WDFY4: variants seen among roughly 807,000 people sequenced by gnomAD.
The protein encoded by WDFY4 is WDFY family member 4.
In WDFY4, 169 loss-of-function variants were observed where a neutral mutation model predicts 351.9. The ratio of observed to expected loss-of-function variants is 0.48; its 90% CI spans 0.42 to 0.55. The LOEUF (loss-of-function observed/expected upper bound fraction) is 0.55, where lower values mean the gene tolerates loss of function less well. Ranked by LOEUF, WDFY4 falls within the 20% of genes least tolerant of loss-of-function variation. The probability of loss-of-function intolerance (pLI) is 0.00; values close to 1 mark genes in which losing one functional copy is unlikely to be tolerated. For synonymous variants in WDFY4, 1,622 were observed against 1,574.6 expected, an observed-to-expected ratio of 1.03 and a Z score of -0.71; for missense variants, 3,803 against 3,935.6, an observed-to-expected ratio of 0.97 and a Z score of 0.90.
At chr10:48,912,175 G>A (rs1838066128) in intron 47 of WDFY4, among the ~76,000 whole-genome samples, 1 of 152,224 alleles carries the variant, frequency 6.6e-6, no homozygotes, top group South Asian at 2.1e-4. Context: ...GATTGACTTG[G>A]TTGCTGTCAT....
At chr10:48,948,555 G>A (rs1346791280) in intron 51 of WDFY4, among the ~76,000 whole-genome samples, 1 of 152,190 alleles carries the variant, frequency 6.6e-6, no homozygotes, top group African/African-American at 2.4e-5. Context: ...TTCACATCGG[G>A]AGGAGACAGA....
At position 48,743,326 on chromosome 10, in the gene WDFY4, TG is replaced by T; in HGVS notation, c.2240del (p.Gly747AlafsTer38). On this transcript the variant is annotated frameshift_variant, in exon 12 of 62. Coordinates refer to ENST00000325239, the MANE Select transcript of WDFY4 (RefSeq NM_001394531.1). LOFTEE classifies it high-confidence loss of function. ...DTKARPFADL[L>X]GTAFSSSGSL... is the part of the protein sequence containing the mutation. ...AAGGCCAGGCCATTTGCAGATTTGC[TG>T]GGCACTGCCTTTTCCTCCAGCGGCT... 6.4e-7 allele frequency: 1 copy of T among 1,551,642 alleles called. No homozygotes were observed. Among genetic ancestry groups the T allele is most frequent in the Non-Finnish European group, 8.7e-7 (1 of 1,146,938 alleles).
intron 17 of WDFY4, among the ~76,000 whole-genome samples, chr10:48,777,749 C>CA (rs1565186595): frequency 1.3e-5 from 2 of 152,024 alleles, no homozygotes; most frequent in Admixed American, 6.6e-5. Context: ...GACCCAGTTT[C>CA]AAAAAAAGAA....
intron 23 of WDFY4, 32 bp downstream of exon 23, chr10:48,790,949 TC>T: frequency 6.5e-7 from 1 of 1,549,264 alleles, no homozygotes; most frequent in Non-Finnish European, 8.7e-7. Context: ...GAACTGAGAC[TC>T]CTGAAAGGGC....
chr10:48,923,707 T>A (rs2940722), intron 47 of WDFY4, among the ~76,000 whole-genome samples: 151,613 of 152,000 alleles, frequency 1, 75,615 homozygotes, highest in Non-Finnish European at 1. Flanking sequence ...TAAACAGTAA[T>A]CAGGCCCAGT....
chr10:48,910,578 T>G (rs1236579188), intron 47 of WDFY4, among the ~76,000 whole-genome samples: 1 of 152,180 alleles, frequency 6.6e-6, no homozygotes, highest in Admixed American at 6.5e-5. Context: ...GGTCTCTATC[T>G]CCAGTCTGCT....
chr10:48,932,850 A>G (rs1357549904), intron 47 of WDFY4, among the ~76,000 whole-genome samples: 1 of 152,182 alleles, frequency 6.6e-6, no homozygotes, highest in African/African-American at 2.4e-5. Flanking sequence ...TGTAACTAGA[A>G]TGCTAAGAAG....
rs1253964586 is a variant in WDFY4, at chr10:48,897,692, C to T, written c.7437+118C>T. ...GACTCTTCTTTGTGCCTATGCACAG[C>T]CCAGTGCCCTTAAGGAGACACCCGC... On this transcript the variant is annotated intron_variant, in intron 45 of 61. Transcript: ENST00000325239. 4 of 1,420,684 alleles carry T rather than the reference C, an allele frequency of 2.8e-6. No homozygotes were observed. The East Asian group carries it at 7.5e-5, about 27-fold the overall frequency. 88.0% of individuals were successfully genotyped at this position (1,420,684 alleles called of 1,614,324 possible). A position where few individuals can be genotyped will look rare whatever the true frequency, so the allele number is the denominator to read the frequency against.
rs536247266 is a variant in WDFY4 at position 48,923,525 on chromosome 10, C to T, written c.7587-18281C>T. ...ATATATATATATATGTCCCAAATAC[C>T]GCATAGTCCTGTATTTTATTTGGCA... is the stretch of plus-strand genomic sequence containing the variant. On this transcript the variant is annotated intron_variant, in intron 47 of 61. Coordinates refer to ENST00000325239, the MANE Select transcript of WDFY4 (RefSeq NM_001394531.1). Among the ~76,000 whole-genome samples the T allele has an allele frequency of 6.5e-4, 40 of 61,108 alleles. 2 individuals carry two copies. Among genetic ancestry groups the T allele is most frequent in the Admixed American group, 2.7e-3 (12 of 4,500 alleles). The allele number at this position is 61,108 out of a possible 152,430, so 40.1% of individuals were successfully genotyped here.
chr10:48,805,937 T>A lies in WDFY4; in HGVS notation c.4647-67T>A, dbSNP rs1017699644. On this transcript the variant is annotated intron_variant, in intron 26 of 61. Transcript: ENST00000325239. ...CGTGGGTGGGTCTATGTGAAAACAC[T>A]GGCATGTACTCAGCGGACTCAGTTG... The A allele has an allele frequency of 4.3e-6, 6 of 1,379,822 alleles. No homozygotes were observed. The Admixed American group carries it at 1.2e-4, about 27-fold the overall frequency. The allele number at this position is 1,379,822 out of a possible 1,614,324, so 85.5% of individuals were successfully genotyped here.
chr10:48,787,971 T>C (rs796330286), intron 20 of WDFY4, among the ~76,000 whole-genome samples: 26 of 92,284 alleles, frequency 2.8e-4, no homozygotes, highest in East Asian at 4.8e-4. Flanking sequence ...TTCTTCTTCT[T>C]CTTCTTCTTC....
chr10:48,919,453 C>A (rs1225340509), intron 47 of WDFY4, among the ~76,000 whole-genome samples: 1 of 152,202 alleles, frequency 6.6e-6, no homozygotes, highest in East Asian at 1.9e-4. Context: ...TTCTATCAAA[C>A]ATTTAAAGAA....
intron 12 of WDFY4, chr10:48,746,195 T>C (rs1230424361): frequency 1.3e-5 from 2 of 152,292 alleles, no homozygotes; most frequent in African/African-American, 4.8e-5. Flanking sequence ...AAATCTCTCA[T>C]GATAAAGTGG....
chr10:48,817,881 G>A (rs1462700020), intron 32 of WDFY4, among the ~76,000 whole-genome samples: 1 of 152,212 alleles, frequency 6.6e-6, no homozygotes. Context: ...GCCCAGCTTA[G>A]AGCCAGACAA....
At chr10:48,974,813 G>A (rs1399252004) in intron 57 of WDFY4, 49 bp from the exon 58 acceptor site, 1 of 1,466,606 alleles carries the variant, frequency 6.8e-7, no homozygotes, top group African/African-American at 1.4e-5. Context: ...ATTCCCAAAA[G>A]TAGCTGAATT....
intron 44 of WDFY4, among the ~76,000 whole-genome samples, chr10:48,892,329 C>T (rs922357837): frequency 6.6e-6 from 1 of 152,110 alleles, no homozygotes; most frequent in Non-Finnish European, 1.5e-5. Flanking sequence ...TAATAGAAGC[C>T]CAGTGGTCAG....
At chr10:48,775,426 T>A (rs757210455) in intron 14 of WDFY4, among the ~76,000 whole-genome samples, 1 of 152,216 alleles carries the variant, frequency 6.6e-6, no homozygotes, top group Non-Finnish European at 1.5e-5. Context: ...TAGTGCTGCA[T>A]GGGAAATTCC....
At chr10:48,730,785 C>G (rs924165699) in intron 8 of WDFY4, among the ~76,000 whole-genome samples, 10 of 152,198 alleles carry the variant, frequency 6.6e-5, no homozygotes, top group Non-Finnish European at 1.3e-4. Flanking sequence ...ATTACCATCT[C>G]AATGTATGGC....
chr10:48,982,950 AAATGCAG>A, exon 62 of WDFY4: 1 of 352,594 alleles, frequency 2.8e-6, no homozygotes, highest in African/African-American at 2.1e-5. Flanking sequence ...ACTATGTTTT[AAATGCAG>A]AAGGGCTCTT....
Sources: allele counts gnomAD v4.1 joint callset (sites outside exome capture counted in the v4.1 genomes callset), GRCh38; gene constraint gnomAD v4.1.1; transcripts MANE v1.5; gene names NCBI Gene and HGNC (gene_info 2026-07-23, HGNC 2026-07-21).